Variants in PTPRD observed in about 807,000 individuals in gnomAD.
PTPRD encodes receptor-type tyrosine-protein phosphatase delta.
PTPRD carries 34 observed loss-of-function variants against 214.5 expected under a neutral mutation model. The observed-to-expected ratio is 0.16, with a 90% CI of 0.12 to 0.21. The LOEUF (loss-of-function observed/expected upper bound fraction) is 0.21, where lower values mean the gene tolerates loss of function less well. Ranked by LOEUF, PTPRD falls within the 10% of genes least tolerant of loss-of-function variation. PTPRD has a pLI of 1.00. For missense variants in PTPRD, 2,545 were observed against 2,398.7 expected, an observed-to-expected ratio of 1.06 and a Z score of -1.27; for synonymous variants, 1,128 against 845.7, an observed-to-expected ratio of 1.33 and a Z score of -5.79.
chr9:9,331,225 C>G (rs372974004), intron 9 of PTPRD, among the ~76,000 whole-genome samples: 31 of 152,072 alleles, frequency 2.0e-4, no homozygotes, highest in African/African-American at 6.5e-4. Flanking sequence ...TCTTTTATAA[C>G]TTTAGCTTGC....
intron 7 of PTPRD, among the ~76,000 whole-genome samples, chr9:9,576,285 C>T (rs976802664): frequency 6.6e-6 from 1 of 152,024 alleles, no homozygotes; most frequent in Non-Finnish European, 1.5e-5. Flanking sequence ...GTAAAATGAA[C>T]CACTTGAGAG....
intron 8 of PTPRD, among the ~76,000 whole-genome samples, chr9:9,554,936 G>C (rs571592785): frequency 4.3e-4 from 66 of 152,016 alleles, no homozygotes; most frequent in Non-Finnish European, 9.0e-4. Flanking sequence ...TTGCTTATAC[G>C]TCTACATATT....
At chr9:9,360,535 GA>G (rs1051991790) in intron 9 of PTPRD, among the ~76,000 whole-genome samples, 31 of 150,992 alleles carry the variant, frequency 2.1e-4, no homozygotes, top group African/African-American at 7.0e-4. Context: ...TTACATCTCT[GA>G]AATAGGTAAA....
intron 7 of PTPRD, among the ~76,000 whole-genome samples, chr9:9,727,114 T>A (rs557485889): frequency 7.7e-4 from 117 of 152,286 alleles, no homozygotes; most frequent in African/African-American, 2.7e-3. Context: ...GTTCTTTCAA[T>A]GTATTAGCAA....
chr9:8,406,578 G>A (rs2093002301), intron 35 of PTPRD, among the ~76,000 whole-genome samples: 1 of 151,002 alleles, frequency 6.6e-6, no homozygotes, highest in Admixed American at 6.6e-5. Flanking sequence ...CGTCATCTTT[G>A]CATCTACACT....
At chr9:10,036,974 C>T (rs537717597) in intron 3 of PTPRD, among the ~76,000 whole-genome samples, 1 of 152,134 alleles carries the variant, frequency 6.6e-6, no homozygotes, top group East Asian at 1.9e-4. Context: ...GCTTCAATCT[C>T]CCAGGCTTAA....
chr9:9,186,829 A>G (rs1025593748), intron 9 of PTPRD, among the ~76,000 whole-genome samples: 1 of 151,996 alleles, frequency 6.6e-6, no homozygotes, highest in African/African-American at 2.4e-5. Context: ...GCATTAAAAG[A>G]GCATAATCTT....
intron 4 of PTPRD, among the ~76,000 whole-genome samples, chr9:9,969,047 C>A (rs1012510191): frequency 6.6e-6 from 1 of 152,058 alleles, no homozygotes; most frequent in Non-Finnish European, 1.5e-5. Context: ...TACTTAAATA[C>A]TTGTAAAATT....
intron 2 of PTPRD, among the ~76,000 whole-genome samples, chr9:10,451,579 G>T (rs367547695): frequency 6.6e-6 from 1 of 151,172 alleles, no homozygotes; most frequent in Admixed American, 6.6e-5. Context: ...TATCTACCTC[G>T]TAGTGTTGTT....
At chr9:8,736,951 G>A (rs932561406) in intron 11 of PTPRD, among the ~76,000 whole-genome samples, 1 of 152,132 alleles carries the variant, frequency 6.6e-6, no homozygotes, top group Non-Finnish European at 1.5e-5. Context: ...CCATCCTCAT[G>A]CCAGCATTTC....
chr9:9,951,237 G>C (rs78206154), intron 4 of PTPRD, among the ~76,000 whole-genome samples: 8 of 152,102 alleles, frequency 5.3e-5, no homozygotes, highest in Non-Finnish European at 1.0e-4. Flanking sequence ...GATAAGTCTT[G>C]GGGCATCCAT....
intron 2 of PTPRD, among the ~76,000 whole-genome samples, chr9:10,543,014 G>C (rs1034397829): frequency 6.6e-6 from 1 of 152,084 alleles, no homozygotes; most frequent in Admixed American, 6.5e-5. Flanking sequence ...GTCTCCCAAA[G>C]TGCTGGGATT....
chr9:9,083,248 C>T (rs1382776839), intron 10 of PTPRD, among the ~76,000 whole-genome samples: 1 of 152,122 alleles, frequency 6.6e-6, no homozygotes, highest in Non-Finnish European at 1.5e-5. Flanking sequence ...AATAACACCA[C>T]ACATCTACAA....
intron 12 of PTPRD, among the ~76,000 whole-genome samples, chr9:8,695,473 C>G (rs552927024): frequency 6.6e-6 from 1 of 151,658 alleles, no homozygotes; most frequent in South Asian, 2.1e-4. Flanking sequence ...TATAGGCAAG[C>G]AAGAAGGAAG....
chr9:8,331,482 G>T, intron 44 of PTPRD, 100 bp downstream of exon 44: 1 of 1,369,510 alleles, frequency 7.3e-7, no homozygotes, highest in Non-Finnish European at 1.0e-6. Context: ...ACATTGCCAA[G>T]AATAAAATTT....
chr9:9,050,309 A>T (rs911589495), intron 10 of PTPRD, among the ~76,000 whole-genome samples: 2 of 152,350 alleles, frequency 1.3e-5, no homozygotes, highest in Middle Eastern at 3.4e-3. Context: ...ATGAAGGAAG[A>T]TGAAGGCAGT....
At chr9:8,700,382 C>G (rs1349361688) in intron 12 of PTPRD, among the ~76,000 whole-genome samples, 1 of 152,202 alleles carries the variant, frequency 6.6e-6, no homozygotes. Flanking sequence ...CAAACAACTG[C>G]TTTATCATCA....
At chr9:9,762,774 G>C (rs567266459) in intron 6 of PTPRD, among the ~76,000 whole-genome samples, 1 of 152,294 alleles carries the variant, frequency 6.6e-6, no homozygotes, top group African/African-American at 2.4e-5. Context: ...GACACTTCCA[G>C]ATTTTTTAGG....
intron 10 of PTPRD, among the ~76,000 whole-genome samples, chr9:9,093,266 G>T (rs765168339): frequency 3.3e-5 from 5 of 151,954 alleles, no homozygotes; most frequent in Non-Finnish European, 7.4e-5. Context: ...CTCAGCAATT[G>T]ATAAAACAAT....
Sources: gnomAD v4.1 joint callset for allele counts (sites outside exome capture counted in the v4.1 genomes callset) on GRCh38, gnomAD v4.1.1 for gene constraint, MANE v1.5 for transcripts, NCBI Gene and HGNC (gene_info 2026-07-23, HGNC 2026-07-21) for gene names.